ITPR1: variants seen among roughly 807,000 people sequenced by gnomAD.
The protein encoded by ITPR1 is inositol 1,4,5-trisphosphate-gated calcium channel ITPR1.
Under a neutral mutation model 318.4 loss-of-function variants are expected in ITPR1, and 96 were observed. The ratio of observed to expected loss-of-function variants is 0.30; its 90% confidence interval spans 0.26 to 0.36. The LOEUF is 0.36. Ranked by LOEUF, ITPR1 falls within the 10% of genes least tolerant of loss-of-function variation. The pLI, the probability that ITPR1 is intolerant of heterozygous loss-of-function variation, is 1.00. For synonymous variants in ITPR1, 1,312 were observed against 1,289.9 expected (o/e 1.02, Z -0.37); for missense variants, 2,440 against 3,460.2 (o/e 0.71, Z 7.40).
chr3:4,600,813 G>A (rs2091214846), intron 4 of ITPR1, among the ~76,000 whole-genome samples: 1 of 152,118 alleles, frequency 6.6e-6, no homozygotes, highest in African/African-American at 2.4e-5. Flanking sequence ...GACTCCCACA[G>A]AATGTCAGTA....
chr3:4,541,543 C>T (rs771668092), intron 4 of ITPR1, among the ~76,000 whole-genome samples: 16 of 151,742 alleles, frequency 1.1e-4, no homozygotes, highest in Non-Finnish European at 2.1e-4. Flanking sequence ...TTTATTTATC[C>T]TGCATGATAT....
At chr3:4,744,976 C>T (rs1264658682) in intron 44 of ITPR1, among the ~76,000 whole-genome samples, 1 of 131,056 alleles carries the variant, frequency 7.6e-6, no homozygotes, top group Non-Finnish European at 1.6e-5. Flanking sequence ...TTCCTTCGTT[C>T]CCCTCTTTCC....
At chr3:4,816,425 A>C (rs1365025391) in intron 59 of ITPR1, 1 of 152,190 alleles carries the variant, frequency 6.6e-6, no homozygotes, top group Admixed American at 6.5e-5. Context: ...GGAGGCATGT[A>C]ATGCCAGTTC....
At chr3:4,611,481 A>T (rs1178209426) in intron 4 of ITPR1, among the ~76,000 whole-genome samples, 3 of 151,662 alleles carry the variant, frequency 2.0e-5, no homozygotes, top group Non-Finnish European at 4.4e-5. Flanking sequence ...AATGGCTTGA[A>T]CCCAGGAGGC....
Position 4,685,029 on chromosome 3 carries a change from G to T in ITPR1, c.3565-40G>T, listed in dbSNP as rs190875486. On this transcript the variant is annotated intron_variant, in intron 29 of 61. Coordinates refer to ENST00000649015, the MANE Select transcript of ITPR1 (RefSeq NM_001378452.1). ...CCTCTGCAATCTTTTTCCAGCTATA[G>T]TTCCTAGTTTTCTGAGACTGATTTC... is the stretch of plus-strand genomic sequence containing the variant. 40 of 1,593,890 alleles carry T rather than the reference G, an allele frequency of 2.5e-5. No individual in the cohort carries two copies. The African/African-American group carries it at 3.3e-4, about 13-fold the overall frequency.
At chr3:4,659,811 A>G (rs1275279106) in intron 13 of ITPR1, among the ~76,000 whole-genome samples, 1 of 152,218 alleles carries the variant, frequency 6.6e-6, no homozygotes, top group Non-Finnish European at 1.5e-5. Flanking sequence ...CTGTATTAAT[A>G]CAATATATTA....
intron 16 of ITPR1, among the ~76,000 whole-genome samples, chr3:4,663,597 A>G (rs1559641554): frequency 6.6e-6 from 1 of 152,144 alleles, no homozygotes; most frequent in African/African-American, 2.4e-5. Context: ...CCCACTACCG[A>G]CATCCTACAT....
chr3:4,567,557 G>A (rs1255533841), intron 4 of ITPR1, among the ~76,000 whole-genome samples: 1 of 152,070 alleles, frequency 6.6e-6, no homozygotes, highest in Non-Finnish European at 1.5e-5. Flanking sequence ...CTTGGGGGCT[G>A]AGGTGGGTCA....
intron 55 of ITPR1, among the ~76,000 whole-genome samples, chr3:4,809,469 C>A (rs1375210937): frequency 6.6e-6 from 1 of 152,042 alleles, no homozygotes; most frequent in African/African-American, 2.4e-5. Context: ...TGGTTATGTG[C>A]CAGTATTATG....
chr3:4,529,875 G>A (rs974150761), intron 4 of ITPR1, among the ~76,000 whole-genome samples: 2 of 151,968 alleles, frequency 1.3e-5, no homozygotes, highest in South Asian at 2.1e-4. Flanking sequence ...AAGTAAGACC[G>A]GTACCTTTCT....
intron 2 of ITPR1, among the ~76,000 whole-genome samples, chr3:4,503,168 GC>G (rs56406945): frequency 0.33 from 50,849 of 151,996 alleles, 8,924 homozygotes; most frequent in Admixed American, 0.4. Flanking sequence ...CCTTTTGATA[GC>G]TTTTGAGGTG....
chr3:4,724,144 G>C (rs564001533), intron 40 of ITPR1, among the ~76,000 whole-genome samples: 1 of 152,166 alleles, frequency 6.6e-6, no homozygotes, highest in Non-Finnish European at 1.5e-5. Context: ...TCAGAGGGAA[G>C]TTTTCTCCCT....
intron 4 of ITPR1, among the ~76,000 whole-genome samples, chr3:4,563,226 A>G (rs2086861398): frequency 6.6e-6 from 1 of 152,146 alleles, no homozygotes; most frequent in South Asian, 2.1e-4. Context: ...GTAAAAATTA[A>G]TTTGTTGGCT....
At chr3:4,727,355 T>A (rs890056484) in intron 42 of ITPR1, among the ~76,000 whole-genome samples, 182 bp downstream of exon 42, 4 of 152,220 alleles carry the variant, frequency 2.6e-5, no homozygotes, top group African/African-American at 4.8e-5. Context: ...GCCCATTGTC[T>A]ACCTGATCAG....
intron 4 of ITPR1, among the ~76,000 whole-genome samples, chr3:4,580,711 G>A (rs1252559234): frequency 6.6e-6 from 1 of 152,150 alleles, no homozygotes; most frequent in Non-Finnish European, 1.5e-5. Flanking sequence ...CTGTTGCTGA[G>A]CCCATTACAA....
chr3:4,543,875 T>C (rs182531605), intron 4 of ITPR1, among the ~76,000 whole-genome samples: 1 of 152,330 alleles, frequency 6.6e-6, no homozygotes, highest in African/African-American at 2.4e-5. Context: ...GTAGTGAAAG[T>C]CTCAAAATCG....
chr3:4,655,207 C>T (rs1405200160), intron 12 of ITPR1, among the ~76,000 whole-genome samples: 2 of 152,186 alleles, frequency 1.3e-5, no homozygotes, highest in Non-Finnish European at 2.9e-5. Context: ...GGAGCTGCCT[C>T]TGTGTGGCCA....
intron 60 of ITPR1, among the ~76,000 whole-genome samples, chr3:4,827,163 C>T (rs2050133259): frequency 6.6e-6 from 1 of 152,210 alleles, no homozygotes; most frequent in South Asian, 2.1e-4. Flanking sequence ...CTCCCCACCG[C>T]CCATACCCTG....
chr3:4,782,039 T>C (rs2046871619), intron 49 of ITPR1, among the ~76,000 whole-genome samples: 6 of 152,218 alleles, frequency 3.9e-5, no homozygotes, highest in Admixed American at 2.0e-4. Context: ...TTAAATTTTT[T>C]TGAAAGAATG....
Sources: allele counts gnomAD v4.1 joint callset (sites outside exome capture counted in the v4.1 genomes callset), GRCh38; gene constraint gnomAD v4.1.1; transcripts MANE v1.5; gene names NCBI Gene and HGNC (gene_info 2026-07-23, HGNC 2026-07-21).